The following COL27A1 variants were observed in gnomAD, a reference collection of about 807,000 sequenced individuals.
COL27A1 encodes the protein collagen alpha-1(XXVII) chain.
In COL27A1, 106 loss-of-function variants were observed where a neutral mutation model predicts 251.3. That is an observed-to-expected ratio of 0.42 (90% CI 0.36 to 0.50). COL27A1 has a LOEUF of 0.50. Among genes scored for constraint, COL27A1 ranks in the 20% least tolerant of loss-of-function variants. COL27A1 has a pLI of 0.00. For synonymous variants in COL27A1, 1,000 were observed against 986.3 expected (o/e 1.01, Z -0.26); for missense variants, 2,325 against 2,522.8 (o/e 0.92, Z 1.68).
chr9:114,162,603 G>A, intron 1 of COL27A1, 112 bp from the exon 2 acceptor site: 1 of 756,182 alleles, frequency 1.3e-6, no homozygotes, highest in East Asian at 2.5e-5. Context: ...GCCTCCCGTG[G>A]GCAGGACTGG....
Position 114,282,459 on chromosome 9 carries a change from T to A in COL27A1, c.3774T>A (p.Gly1258=). The A allele has an allele frequency of 6.2e-7, 1 of 1,604,156 alleles. No individual in the cohort carries two copies. Among genetic ancestry groups the A allele is most frequent in the East Asian group, 2.2e-5 (1 of 44,548 alleles). Residue 1258 remains glycine (G), a splice_region_variant and synonymous_variant, in exon 39 of 61, where the codon GGT becomes GGA. Coordinates refer to ENST00000356083, the MANE Select transcript of COL27A1 (RefSeq NM_032888.4). ...GCTTGTCTTTCCTCCTGTTGCAGGG[T>A]GCCAAGGGCTATCAAGGACAGCTGG... is the stretch of plus-strand genomic sequence containing the variant. The part of the protein sequence containing the change: ...QGEKGRTGAK[G]AKGYQGQLGE...
At chr9:114,167,515 A>AAC in intron 2 of COL27A1, among the ~76,000 whole-genome samples, 174 bp from the exon 3 acceptor site, 1 of 152,220 alleles carries the variant, frequency 6.6e-6, no homozygotes, top group East Asian at 1.9e-4. Flanking sequence ...AGATAGTTCC[A>AAC]ACGCTGCCCT....
intron 11 of COL27A1, among the ~76,000 whole-genome samples, chr9:114,210,114 C>T (rs935725715): frequency 5.9e-5 from 9 of 152,144 alleles, no homozygotes; most frequent in African/African-American, 1.9e-4. Flanking sequence ...CAATGAACAC[C>T]GGGCCCACTT....
At chr9:114,252,709 C>G in intron 26 of COL27A1, 63 bp downstream of exon 26, 10 of 1,513,232 alleles carry the variant, frequency 6.6e-6, no homozygotes, top group East Asian at 2.3e-5. Context: ...CAGCTCTGCT[C>G]TCCTCCATGA....
chr9:114,180,422 C>T (rs531916194), intron 4 of COL27A1, among the ~76,000 whole-genome samples: 1 of 152,282 alleles, frequency 6.6e-6, no homozygotes, highest in East Asian at 1.9e-4. Flanking sequence ...TTCTAAGTTT[C>T]CACCTAGCTC....
At chr9:114,176,783 C>A (rs1206614191) in intron 3 of COL27A1, among the ~76,000 whole-genome samples, 1 of 152,170 alleles carries the variant, frequency 6.6e-6, no homozygotes, top group Non-Finnish European at 1.5e-5. Flanking sequence ...CTGCTCAGGG[C>A]TCTTGCCCAG....
At chr9:114,284,350 A>G (rs1200270067) in intron 40 of COL27A1, among the ~76,000 whole-genome samples, 1 of 152,240 alleles carries the variant, frequency 6.6e-6, no homozygotes, top group East Asian at 1.9e-4. Flanking sequence ...TGTTGCGAGG[A>G]GCCCACAGTG....
At chr9:114,214,094 C>T (rs950406002) in intron 12 of COL27A1, among the ~76,000 whole-genome samples, 1 of 152,190 alleles carries the variant, frequency 6.6e-6, no homozygotes, top group African/African-American at 2.4e-5. Context: ...TCGGCTGAGT[C>T]CCTACAGCTT....
At position 114,237,007 on chromosome 9, in the gene COL27A1, C is replaced by T. The variant is rs148588078; in HGVS notation, c.2646C>T (p.Pro882=). 2.2e-4 allele frequency: 349 copies of T among 1,611,902 alleles called. 2 individuals carry two copies. Among genetic ancestry groups the T allele is most frequent in the African/African-American group, 4.5e-4 (34 of 74,864 alleles). ...GGAGCCAGGGGTTGCCAGGGTTCCC[C>T]GGTGCACGGGGGAAGCCAGGGCCTC... is the stretch of plus-strand genomic sequence containing the variant. ...DKGSQGLPGF[P]GARGKPGPLG... Residue 882 remains proline (P), a synonymous_variant, in exon 18 of 61, where the codon CCC becomes CCT. Coordinates refer to ENST00000356083, the MANE Select transcript of COL27A1 (RefSeq NM_032888.4).
At chr9:114,285,774 C>A (rs1231055061) in intron 41 of COL27A1, among the ~76,000 whole-genome samples, 1 of 152,238 alleles carries the variant, frequency 6.6e-6, no homozygotes, top group Non-Finnish European at 1.5e-5. Flanking sequence ...AGGGCTGGCA[C>A]AGAAGGGGTT....
chr9:114,237,081 T>A (rs778941240), intron 18 of COL27A1, 47 bp downstream of exon 18: 1 of 1,521,952 alleles, frequency 6.6e-7, no homozygotes, highest in African/African-American at 1.4e-5. Flanking sequence ...ACTCTCCAAC[T>A]GATCGTGTAA....
chr9:114,182,177 A>AAATAATAATAATAATAAT (rs71367755), intron 4 of COL27A1, among the ~76,000 whole-genome samples: 1,782 of 138,084 alleles, frequency 0.013, 43 homozygotes, highest in African/African-American at 0.044. Flanking sequence ...CATCTCTATA[A>AAATAATAATAATAATAAT]AATAATAATA....
At chr9:114,283,279 G>A (rs749752292) in intron 39 of COL27A1, among the ~76,000 whole-genome samples, 1 of 152,208 alleles carries the variant, frequency 6.6e-6, no homozygotes, top group African/African-American at 2.4e-5. Context: ...CCACCAACAC[G>A]CACAGATGCA....
At chr9:114,209,073 C>G (rs1239748053) in intron 10 of COL27A1, among the ~76,000 whole-genome samples, 1 of 152,186 alleles carries the variant, frequency 6.6e-6, no homozygotes, top group Non-Finnish European at 1.5e-5. Flanking sequence ...AGTCGTGTTG[C>G]TTTATCTACA....
At chr9:114,214,717 C>G (rs993436976) in intron 12 of COL27A1, among the ~76,000 whole-genome samples, 7 of 152,236 alleles carry the variant, frequency 4.6e-5, no homozygotes, top group Non-Finnish European at 1.0e-4. Flanking sequence ...CTCTCTGCTC[C>G]CATCTTCAAC....
At chr9:114,286,064 C>A (rs1312684213) in intron 41 of COL27A1, among the ~76,000 whole-genome samples, 1 of 152,208 alleles carries the variant, frequency 6.6e-6, no homozygotes, top group African/African-American at 2.4e-5. Context: ...TAGATTCGTT[C>A]ATTCCTCCAG....
At chr9:114,165,597 C>T (rs1848773935) in intron 2 of COL27A1, among the ~76,000 whole-genome samples, 1 of 151,118 alleles carries the variant, frequency 6.6e-6, no homozygotes, top group South Asian at 2.1e-4. Context: ...ATCCATCCAC[C>T]CATCCATACA....
chr9:114,215,673 C>T (rs1005080787), intron 12 of COL27A1, among the ~76,000 whole-genome samples: 3 of 152,180 alleles, frequency 2.0e-5, no homozygotes, highest in Non-Finnish European at 4.4e-5. Context: ...GCAGGTTAGA[C>T]TTAAGCAGGA....
At chr9:114,190,975 T>C (rs1828710906) in intron 5 of COL27A1, among the ~76,000 whole-genome samples, 1 of 152,244 alleles carries the variant, frequency 6.6e-6, no homozygotes, top group African/African-American at 2.4e-5. Flanking sequence ...GGAAGACATA[T>C]AGTGTGCTCT....
Sources: allele counts gnomAD v4.1 joint callset (sites outside exome capture counted in the v4.1 genomes callset), GRCh38; gene constraint gnomAD v4.1.1; transcripts MANE v1.5; gene names NCBI Gene and HGNC (gene_info 2026-07-23, HGNC 2026-07-21).